The following TRAPPC6B variants were observed in gnomAD, a reference collection of about 807,000 sequenced individuals.
TRAPPC6B encodes trafficking protein particle complex subunit 6B.
In TRAPPC6B, 27 loss-of-function variants were observed where a neutral mutation model predicts 24.7. The observed-to-expected ratio is 1.09, with a 90% CI of 0.81 to 1.51. TRAPPC6B has a LOEUF of 1.51. Ranked by LOEUF, TRAPPC6B falls within the 40% of genes most tolerant of loss-of-function variation. The pLI, the probability that TRAPPC6B is intolerant of heterozygous loss-of-function variation, is 0.00. For synonymous variants in TRAPPC6B, 80 were observed against 66.6 expected (o/e 1.20, Z -0.98); for missense variants, 212 against 190.8 (o/e 1.11, Z -0.66).
rs1183066553 is a variant in TRAPPC6B, at chr14:39,151,770, C to G, written c.421G>C (p.Ala141Pro). 4.4e-6 allele frequency: 7 copies of G among 1,605,994 alleles called. No homozygotes were observed. Among genetic ancestry groups the G allele is most frequent in the Non-Finnish European group, 5.9e-6 (7 of 1,177,268 alleles). ...CAAGCAGGCATTGAAGACACTTCAG[C>G]TGTTACAATACTTTTTATTCCCAAG... ...SNLGIKSIVT[A>P]EVSSMPACKF... is the part of the protein sequence containing the mutation. Residue 141 changes from alanine to proline, a missense_variant, in exon 5 of 6, where the codon GCT (alanine) becomes CCT (proline). By Grantham distance (27) the Ala-to-Pro change is conservative (BLOSUM62 -1). Transcript: ENST00000330149.
rs2052895116 is a variant in TRAPPC6B, at chr14:39,150,055, C to G, written c.*295G>C. On this transcript the variant is annotated 3_prime_UTR_variant, in exon 6 of 6. Coordinates refer to ENST00000330149, the MANE Select transcript of TRAPPC6B (RefSeq NM_001079537.2). ...ATTCAACAAACCCTGAGCTTTGTTT[C>G]TCCATCTATGGCTAAATACATATCA... 4.2e-6 allele frequency: 1 copy of G among 238,944 alleles called. No homozygotes were observed. 14.8% of individuals were successfully genotyped at this position (238,944 alleles called of 1,614,324 possible). A position where few individuals can be genotyped will look rare whatever the true frequency, so the allele number is the denominator to read the frequency against.
rs917885169 is a variant in TRAPPC6B, at chr14:39,149,388, T to C, written c.*962A>G. 5.9e-5 allele frequency: 9 copies of C among 152,182 alleles called. No homozygotes were observed. The highest frequency in any genetic ancestry group is 2.2e-4 in the African/African-American group (9 of 41,442). 9.4% of individuals were successfully genotyped at this position (152,182 alleles called of 1,614,324 possible). A position where few individuals can be genotyped will look rare whatever the true frequency, so the allele number is the denominator to read the frequency against. ...GGGAAACAAAGTATAGTTTTAGTAA[T>C]CAACATGCAAGATTCTAACAAAAGC... On this transcript the variant is annotated 3_prime_UTR_variant, in exon 6 of 6. Transcript: ENST00000330149.
rs2053156447 is a variant in TRAPPC6B at position 39,170,325 on chromosome 14, C to A, written c.-230G>T. ...GGGGCTACCAAATCCTAGGGCCGAA[C>A]TAAAGTCTGACGGGAGCTCTAACCA... is the stretch of plus-strand genomic sequence containing the variant. On this transcript the variant is annotated 5_prime_UTR_variant, in exon 1 of 6. Transcript: ENST00000330149. 2 of 554,618 alleles carry A rather than the reference C, an allele frequency of 3.6e-6. No homozygotes were observed. Among genetic ancestry groups the A allele is most frequent in the Non-Finnish European group, 6.3e-6 (2 of 315,666 alleles). The allele number at this position is 554,618 out of a possible 1,614,324, so 34.4% of individuals were successfully genotyped here.
In TRAPPC6B at chr14:39,151,738, C is replaced by T; in HGVS notation, c.445+8G>A. On this transcript the variant is annotated splice_region_variant and intron_variant, in intron 5 of 5. Coordinates refer to ENST00000330149, the MANE Select transcript of TRAPPC6B (RefSeq NM_001079537.2). Reference sequence around the variant, plus strand: ...AAAACATTTGTAAGAAAGGCGAATTCAACTTACAAGCAGGCATTGAAGACA... The same window carrying T: ...AAAACATTTGTAAGAAAGGCGAATTTAACTTACAAGCAGGCATTGAAGACA... The T allele has an allele frequency of 6.4e-7, 1 of 1,556,374 alleles. No individual in the cohort carries two copies. The highest frequency in any genetic ancestry group is 8.7e-7 in the Non-Finnish European group (1 of 1,155,158).
At chr14:39,159,577 T>A (rs1197484283) in intron 1 of TRAPPC6B, 27 bp from the exon 2 acceptor site, 11 of 1,539,032 alleles carry the variant, frequency 7.1e-6, no homozygotes, top group Non-Finnish European at 9.8e-6. Context: ...TAGTTTTAAA[T>A]ACTTTTAGAA....
chr14:39,168,117 G>C (rs1242547632), intron 1 of TRAPPC6B, among the ~76,000 whole-genome samples: 3 of 151,754 alleles, frequency 2.0e-5, no homozygotes, highest in Non-Finnish European at 4.4e-5. Flanking sequence ...TCAGGAGGCT[G>C]AAGCAGGAGA....
chr14:39,150,520 T>C (rs1420872803), intron 5 of TRAPPC6B, 139 bp from the exon 6 acceptor site: 3 of 629,506 alleles, frequency 4.8e-6, no homozygotes, highest in Non-Finnish European at 8.2e-6. Context: ...TTCTTCATAA[T>C]ATTCAATAAA....
chr14:39,148,463 A>G lies in TRAPPC6B; in HGVS notation c.*1887T>C. 1 of 386,914 alleles carries G rather than the reference A, an allele frequency of 2.6e-6. No individual in the cohort carries two copies. Among genetic ancestry groups the G allele is most frequent in the East Asian group, 3.6e-5 (1 of 27,458 alleles). The allele number at this position is 386,914 out of a possible 1,614,324, so 24.0% of individuals were successfully genotyped here. The stretch of plus-strand genomic sequence containing the variant: ...TTAGGCCAAAAAAAAAGAAAAAAAA[A>G]ATGGGGCTTTGTCAGCAAGGAAGGG... On this transcript the variant is annotated 3_prime_UTR_variant, in exon 6 of 6. Transcript: ENST00000330149.
At position 39,148,776 on chromosome 14, in the gene TRAPPC6B, G is replaced by A; in HGVS notation, c.*1574C>T. On this transcript the variant is annotated 3_prime_UTR_variant, in exon 6 of 6. Coordinates refer to ENST00000330149, the MANE Select transcript of TRAPPC6B (RefSeq NM_001079537.2). ...GCAGTCATGCATTGCTTAGCAAAGG[G>A]GATACATTCTGAGAAATGCATCATC... is the stretch of plus-strand genomic sequence containing the variant. 1 of 398,212 alleles carries A rather than the reference G, an allele frequency of 2.5e-6. No individual in the cohort carries two copies. The highest frequency in any genetic ancestry group is 6.3e-4 in the Middle Eastern group (1 of 1,584). The allele number at this position is 398,212 out of a possible 1,614,324, so 24.7% of individuals were successfully genotyped here. A position where few individuals can be genotyped will look rare whatever the true frequency, so the allele number is the denominator to read the frequency against.
At chr14:39,152,526 T>G (rs1357270932) in intron 4 of TRAPPC6B, among the ~76,000 whole-genome samples, 2 of 152,180 alleles carry the variant, frequency 1.3e-5, no homozygotes, top group Admixed American at 6.6e-5. Flanking sequence ...TACTGCATGA[T>G]GTTCAACATA....
At chr14:39,157,552 G>A (rs1566547846) in intron 3 of TRAPPC6B, 1 of 398,216 alleles carries the variant, frequency 2.5e-6, no homozygotes, top group Non-Finnish European at 4.9e-6. Context: ...GGATCCCATC[G>A]AGGTGGCTGT....
intron 3 of TRAPPC6B, 151 bp from the exon 4 acceptor site, chr14:39,154,445 G>A (rs2052952796): frequency 3.4e-6 from 2 of 589,432 alleles, no homozygotes; most frequent in Non-Finnish European, 5.9e-6. Context: ...CTTTGAGACG[G>A]GGTCTCCTCT....
At position 39,151,896 on chromosome 14, in the gene TRAPPC6B, T is replaced by C. The variant is rs559256857; in HGVS notation, c.352-57A>G. On this transcript the variant is annotated intron_variant, in intron 4 of 5. Coordinates refer to ENST00000330149, the MANE Select transcript of TRAPPC6B (RefSeq NM_001079537.2). Reference sequence around the variant, plus strand: ...AGGATTTACTAAAATAGTAAAGCTATTGATAAATACAACATTACATGATTT... The same window carrying C: ...AGGATTTACTAAAATAGTAAAGCTACTGATAAATACAACATTACATGATTT... 1.2e-4 allele frequency: 139 copies of C among 1,194,438 alleles called. No individual in the cohort carries two copies. The African/African-American group carries it at 1.8e-3, about 15-fold the overall frequency. The allele number at this position is 1,194,438 out of a possible 1,614,324, so 74.0% of individuals were successfully genotyped here. A position where few individuals can be genotyped will look rare whatever the true frequency, so the allele number is the denominator to read the frequency against.
chr14:39,149,263 T>A lies in TRAPPC6B; in HGVS notation c.*1087A>T, dbSNP rs1158641596. ...CAATCTTCTTAATCTGCCATTTCTA[T>A]GGCAGAGTACCCAGTGAAACATCTT... On this transcript the variant is annotated 3_prime_UTR_variant, in exon 6 of 6. Coordinates refer to ENST00000330149, the MANE Select transcript of TRAPPC6B (RefSeq NM_001079537.2). 1 of 152,278 alleles carries A rather than the reference T, an allele frequency of 6.6e-6. No individual in the cohort carries two copies. The highest frequency in any genetic ancestry group is 2.4e-5 in the African/African-American group (1 of 41,478). 9.4% of individuals were successfully genotyped at this position (152,278 alleles called of 1,614,324 possible).
chr14:39,168,779 C>T (rs78498316), intron 1 of TRAPPC6B, among the ~76,000 whole-genome samples: 2,285 of 152,292 alleles, frequency 0.015, 59 homozygotes, highest in African/African-American at 0.051. Flanking sequence ...TTCTCACTAT[C>T]CCTGTCTTAA....
rs114680651 is a variant in TRAPPC6B, at chr14:39,148,232, G to C, written c.*2118C>G. 758 of 156,376 alleles carry C rather than the reference G, an allele frequency of 4.8e-3. 1 individual carries two copies. Among genetic ancestry groups the C allele is most frequent in the African/African-American group, 0.017 (701 of 41,782 alleles). 9.7% of individuals were successfully genotyped at this position (156,376 alleles called of 1,614,324 possible). A position where few individuals can be genotyped will look rare whatever the true frequency, so the allele number is the denominator to read the frequency against. On this transcript the variant is annotated 3_prime_UTR_variant, in exon 6 of 6. Transcript: ENST00000330149. The stretch of plus-strand genomic sequence containing the variant: ...ACTGAGAAGCAGAAGAGGGATGCTG[G>C]CAAATCCCTAACTTGTATCAATTGT...
intron 5 of TRAPPC6B, 85 bp from the exon 6 acceptor site, chr14:39,150,466 A>G: frequency 1.0e-6 from 1 of 999,878 alleles, no homozygotes; most frequent in Non-Finnish European, 1.5e-6. Context: ...CATATAGGAA[A>G]TAGTTTCAGT....
At chr14:39,168,823 G>A (rs1326561337) in intron 1 of TRAPPC6B, among the ~76,000 whole-genome samples, 2 of 152,062 alleles carry the variant, frequency 1.3e-5, no homozygotes, top group East Asian at 3.8e-4. Flanking sequence ...AGTGACTCCC[G>A]TAATAAAGGA....
intron 1 of TRAPPC6B, among the ~76,000 whole-genome samples, chr14:39,163,315 G>A (rs780154217): frequency 8.8e-5 from 13 of 148,062 alleles, no homozygotes; most frequent in African/African-American, 2.3e-4. Context: ...AGATTGCAGC[G>A]AGCCGAGATC....
Sources: gnomAD v4.1 joint callset for allele counts (sites outside exome capture counted in the v4.1 genomes callset) on GRCh38, gnomAD v4.1.1 for gene constraint, MANE v1.5 for transcripts, NCBI Gene and HGNC (gene_info 2026-07-23, HGNC 2026-07-21) for gene names.